CACNA1C: variants seen among roughly 807,000 people sequenced by gnomAD.
The protein encoded by CACNA1C is calcium voltage-gated channel subunit alpha1 C, also known as voltage-dependent L-type calcium channel subunit alpha-1C.
CACNA1C carries 30 observed loss-of-function variants against 229.0 expected under a neutral mutation model. That is an observed-to-expected ratio of 0.13 (90% CI 0.10 to 0.18). The LOEUF (loss-of-function observed/expected upper bound fraction) is 0.18, where lower values mean the gene tolerates loss of function less well. Ranked by LOEUF, CACNA1C falls within the 10% of genes least tolerant of loss-of-function variation. CACNA1C has a pLI of 1.00. For missense variants in CACNA1C, 1,658 were observed against 2,845.0 expected (o/e 0.58, Z 9.49); for synonymous variants, 1,114 against 1,132.5 (o/e 0.98, Z 0.33).
At chr12:2,049,418 T>C (rs1364963592), upstream of CACNA1C, 2 of 152,246 alleles carry the variant, frequency 1.3e-5, no homozygotes, top group African/African-American at 4.8e-5. Flanking sequence ...GAATATTTAG[T>C]TCATTTCCAG....
chr12:2,597,354 G>A lies in CACNA1C; in HGVS notation c.2853+65G>A. On this transcript the variant is annotated intron_variant, in intron 21 of 46. Transcript: ENST00000399655. This position sits in a 1 kb window ranked among gnomAD's most constrained non-coding sequence, Gnocchi z 4.3. The stretch of plus-strand genomic sequence containing the variant: ...GTGCCAGCACCAGGTCTCTGCCGCT[G>A]TCTGTCGCTAACACACATGCTCCTT... 1 of 1,503,876 alleles carries A rather than the reference G, an allele frequency of 6.6e-7. No homozygotes were observed. Among genetic ancestry groups the A allele is most frequent in the South Asian group, 1.1e-5 (1 of 88,824 alleles). The allele number at this position is 1,503,876 out of a possible 1,614,324, so 93.2% of individuals were successfully genotyped here. A position where few individuals can be genotyped will look rare whatever the true frequency, so the allele number is the denominator to read the frequency against.
At chr12:2,074,853 C>T (rs1160424950) in intron 1 of CACNA1C, among the ~76,000 whole-genome samples, 1 of 152,212 alleles carries the variant, frequency 6.6e-6, no homozygotes, top group Non-Finnish European at 1.5e-5. Context: ...GGGAGCCTCC[C>T]TGTGGTCTAC....
At chr12:2,549,158 G>C (rs1161393078) in intron 9 of CACNA1C, among the ~76,000 whole-genome samples, 1 of 152,190 alleles carries the variant, frequency 6.6e-6, no homozygotes, top group Non-Finnish European at 1.5e-5. Context: ...AGCTGCCTTG[G>C]GAGGAGGCTG....
At chr12:2,690,786 A>T in intron 46 of CACNA1C, 114 bp from the exon 47 acceptor site, 1 of 1,036,176 alleles carries the variant, frequency 9.7e-7, no homozygotes, top group South Asian at 1.7e-5. Flanking sequence ...GCACACACGC[A>T]CACTTCCCCA....
At chr12:2,167,691 C>T (rs1309597193) in intron 3 of CACNA1C, among the ~76,000 whole-genome samples, 4 of 152,224 alleles carry the variant, frequency 2.6e-5, no homozygotes, top group African/African-American at 9.6e-5. Context: ...AGCATCCCTT[C>T]TGAGGCTTTC....
At chr12:2,662,996 A>C (rs970596589) in intron 34 of CACNA1C, among the ~76,000 whole-genome samples, 2 of 152,260 alleles carry the variant, frequency 1.3e-5, no homozygotes, top group East Asian at 3.8e-4. Flanking sequence ...TCAGGTCAAT[A>C]AGTTATTGCG....
At chr12:2,270,328 T>C (rs1227163387) in intron 3 of CACNA1C, among the ~76,000 whole-genome samples, 1 of 152,212 alleles carries the variant, frequency 6.6e-6, no homozygotes, top group African/African-American at 2.4e-5. Context: ...ACACCCTCCT[T>C]CTCTGTGAAA....
intron 1 of CACNA1C, among the ~76,000 whole-genome samples, chr12:1,975,885 G>A (rs146234777): frequency 1.0e-3 from 159 of 152,260 alleles, no homozygotes; most frequent in African/African-American, 3.8e-3. Context: ...CAGTTATGAT[G>A]GAGAAGTAGA....
chr12:2,089,177 G>C (rs1016619916), intron 1 of CACNA1C, among the ~76,000 whole-genome samples: 1 of 152,160 alleles, frequency 6.6e-6, no homozygotes, highest in Non-Finnish European at 1.5e-5. Flanking sequence ...TTGCATGAGT[G>C]TATAGACAAT....
chr12:2,040,820 T>C (rs2049956167), intron 1 of CACNA1C, among the ~76,000 whole-genome samples: 1 of 152,250 alleles, frequency 6.6e-6, no homozygotes, highest in African/African-American at 2.4e-5. Flanking sequence ...TTTTTCATAC[T>C]AACATTTCAC....
rs1367490119 is a variant in CACNA1C, at chr12:2,692,257, A to G, written c.*1058A>G. The G allele has an allele frequency of 6.6e-6, 1 of 152,234 alleles. No homozygotes were observed. The highest frequency in any genetic ancestry group is 1.5e-5 in the Non-Finnish European group (1 of 68,048). 9.4% of individuals were successfully genotyped at this position (152,234 alleles called of 1,614,324 possible). ...TTATCTAATGGAAAGGTAACTGGCA[A>G]TGCACTTGATGTGGTCTTGCACATG... On this transcript the variant is annotated 3_prime_UTR_variant, in exon 47 of 47. Coordinates refer to ENST00000399655, the MANE Select transcript of CACNA1C (RefSeq NM_000719.7).
At chr12:2,031,981 G>T (rs1215960812) in intron 1 of CACNA1C, among the ~76,000 whole-genome samples, 1 of 117,152 alleles carries the variant, frequency 8.5e-6, no homozygotes, top group African/African-American at 4.3e-5. Context: ...GTGAGTGTGT[G>T]TGTGAGTGTG....
chr12:2,016,617 A>G (rs1184349804), intron 1 of CACNA1C, among the ~76,000 whole-genome samples: 1 of 152,052 alleles, frequency 6.6e-6, no homozygotes, highest in African/African-American at 2.4e-5. Flanking sequence ...TTTAGTAGAG[A>G]CAGGGTTTCA....
At chr12:2,573,799 C>T (rs1426946529) in intron 13 of CACNA1C, among the ~76,000 whole-genome samples, 1 of 152,214 alleles carries the variant, frequency 6.6e-6, no homozygotes, top group Non-Finnish European at 1.5e-5. Flanking sequence ...GTCCTTGTAA[C>T]ATAATAGCAT....
intron 9 of CACNA1C, among the ~76,000 whole-genome samples, chr12:2,548,535 A>G (rs1300966167): frequency 6.6e-6 from 1 of 152,164 alleles, no homozygotes. Flanking sequence ...GAGCCAGATA[A>G]TTTCTAAAGC....
chr12:2,403,489 AG>A lies in CACNA1C; in HGVS notation c.478-45485del, dbSNP rs376981848. Among the ~76,000 whole-genome samples the A allele has an allele frequency of 6.5e-3, 992 of 152,290 alleles. 11 individuals carry two copies. Among genetic ancestry groups the A allele is most frequent in the African/African-American group, 0.023 (953 of 41,558 alleles). On this transcript the variant is annotated intron_variant, in intron 3 of 46. Coordinates refer to ENST00000399655, the MANE Select transcript of CACNA1C (RefSeq NM_000719.7). The surrounding 1 kb of genome is among the most constrained non-coding windows in gnomAD (Gnocchi z 4.1). ...GGCCTCACCTCTCACCAGCTCTGCA[AG>A]GCCCGGAGCTGCCATCCCAAGGCTG...
At chr12:2,618,491 G>A (rs2081754056) in intron 29 of CACNA1C, among the ~76,000 whole-genome samples, 2 of 152,248 alleles carry the variant, frequency 1.3e-5, no homozygotes, top group Non-Finnish European at 2.9e-5. Context: ...GAGAGGTGTG[G>A]CAAAGGCCAC....
At chr12:2,674,912 A>G (rs985453968) in intron 39 of CACNA1C, among the ~76,000 whole-genome samples, 2 of 152,204 alleles carry the variant, frequency 1.3e-5, no homozygotes, top group Non-Finnish European at 1.5e-5. Context: ...TGCTTTTTAC[A>G]TAGGGTAACA....
chr12:2,419,815 T>C (rs2098956565), intron 3 of CACNA1C, among the ~76,000 whole-genome samples: 1 of 152,182 alleles, frequency 6.6e-6, no homozygotes, highest in Admixed American at 6.5e-5. Flanking sequence ...ATTTTGACTC[T>C]GCAATCCAAC....
Sources: allele counts gnomAD v4.1 joint callset (sites outside exome capture counted in the v4.1 genomes callset), GRCh38; gene constraint gnomAD v4.1.1; non-coding constraint Gnocchi (gnomAD v3.1); transcripts MANE v1.5; gene names NCBI Gene and HGNC (gene_info 2026-07-23, HGNC 2026-07-21).